RTL4: variants seen among roughly 807,000 people sequenced by gnomAD.
The protein encoded by RTL4 is retrotransposon Gag-like protein 4.
A neutral mutation model predicts 5.3 loss-of-function variants in RTL4; 4 were observed. That is an observed-to-expected ratio of 0.75 (90% CI 0.37 to 1.72). RTL4 has a LOEUF of 1.72. Ranked by LOEUF, RTL4 falls within the 40% of genes most tolerant of loss-of-function variation. The probability of loss-of-function intolerance (pLI) is 0.04; values close to 1 mark genes in which losing one functional copy is unlikely to be tolerated. For missense variants in RTL4, 260 were observed against 227.1 expected, an observed-to-expected ratio of 1.14 and a Z score of -0.93; for synonymous variants, 98 against 87.3, an observed-to-expected ratio of 1.12 and a Z score of -0.68.
At chrX:112,158,200 G>A in the RTL4 span, among the ~76,000 whole-genome samples, 1 of 111,480 alleles carries the variant, frequency 9.0e-6, no homozygotes, top group Non-Finnish European at 1.9e-5. Context: ...TCAGCCTAAA[G>A]CAGAAAGTCT....
the RTL4 span, among the ~76,000 whole-genome samples, chrX:112,315,574 T>G: frequency 8.9e-6 from 1 of 112,178 alleles, no homozygotes; most frequent in African/African-American, 3.2e-5. Context: ...CTTTCCCATT[T>G]TCCCCCCAAC....
chrX:112,397,070 C>G, the RTL4 span, among the ~76,000 whole-genome samples: 2 of 111,875 alleles, frequency 1.8e-5, no homozygotes, highest in Admixed American at 9.5e-5. Flanking sequence ...ATTTTTCATA[C>G]TATTGTCTTT....
chrX:112,442,458 A>G, the RTL4 span, among the ~76,000 whole-genome samples: 2 of 108,657 alleles, frequency 1.8e-5, no homozygotes, highest in African/African-American at 6.7e-5. Flanking sequence ...CATGTTGGCC[A>G]GGCTGGTCTC....
At chrX:112,278,151 T>A in the RTL4 span, among the ~76,000 whole-genome samples, 1 of 112,537 alleles carries the variant, frequency 8.9e-6, no homozygotes, top group South Asian at 3.6e-4. Context: ...GATTGTTGGT[T>A]TTAATTGTCT....
At chrX:112,278,187 G>A in the RTL4 span, among the ~76,000 whole-genome samples, 1 of 112,418 alleles carries the variant, frequency 8.9e-6, no homozygotes, top group Non-Finnish European at 1.9e-5. Flanking sequence ...AGTTGCATAT[G>A]TAACCTAACA....
the RTL4 span, among the ~76,000 whole-genome samples, chrX:112,378,707 C>T: frequency 8.9e-6 from 1 of 111,880 alleles, no homozygotes; most frequent in African/African-American, 3.3e-5. Flanking sequence ...AACGCAGACA[C>T]AATGGGAACA....
chrX:112,148,173 C>A, the RTL4 span, among the ~76,000 whole-genome samples: 1 of 109,779 alleles, frequency 9.1e-6, no homozygotes, highest in Admixed American at 9.8e-5. Context: ...GCTTCCTGCT[C>A]ATTTGCTGTT....
the RTL4 span, among the ~76,000 whole-genome samples, chrX:112,142,143 C>A: frequency 8.9e-5 from 10 of 112,343 alleles, no homozygotes; most frequent in Admixed American, 4.7e-4. Flanking sequence ...GTCTTTCATA[C>A]AAATCAATAG....
the RTL4 span, among the ~76,000 whole-genome samples, chrX:112,175,563 GCT>G: frequency 9.2e-6 from 1 of 108,916 alleles, no homozygotes; most frequent in Non-Finnish European, 1.9e-5. Context: ...GGCAATGCGG[GCT>G]CTTTTTTGGT....
chrX:112,420,858 C>A, the RTL4 span, among the ~76,000 whole-genome samples: 1 of 111,998 alleles, frequency 8.9e-6, no homozygotes, highest in African/African-American at 3.2e-5. Context: ...TTTCATCATA[C>A]TTATCTACAT....
At chrX:112,302,294 AGACTT>A in the RTL4 span, among the ~76,000 whole-genome samples, 1 of 109,343 alleles carries the variant, frequency 9.1e-6, no homozygotes, top group African/African-American at 3.3e-5. Context: ...TTTGGACTTA[AGACTT>A]AAGAGGACAG....
chrX:112,220,207 T>G, the RTL4 span, among the ~76,000 whole-genome samples: 1 of 112,900 alleles, frequency 8.9e-6, no homozygotes, highest in Admixed American at 9.4e-5. Context: ...AAGGTCAAAT[T>G]ATTTTGCTAG....
At chrX:112,372,389 C>T in the RTL4 span, among the ~76,000 whole-genome samples, 1 of 111,420 alleles carries the variant, frequency 9.0e-6, no homozygotes, top group Non-Finnish European at 1.9e-5. Context: ...ATGGACATTA[C>T]AGCTGTTTCC....
chrX:112,307,047 G>A, the RTL4 span, among the ~76,000 whole-genome samples: 1 of 111,378 alleles, frequency 9.0e-6, no homozygotes, highest in East Asian at 2.8e-4. Context: ...CCTTCCATGG[G>A]CCTACTATTC....
chrX:112,272,901 G>A, the RTL4 span, among the ~76,000 whole-genome samples: 20 of 110,732 alleles, frequency 1.8e-4, no homozygotes, highest in South Asian at 3.1e-3. Context: ...AAAATATCTC[G>A]TGAGAAAGAT....
the RTL4 span, among the ~76,000 whole-genome samples, chrX:112,324,354 C>A: frequency 9.0e-6 from 1 of 111,589 alleles, no homozygotes; most frequent in African/African-American, 3.3e-5. Context: ...GAAGTAATTC[C>A]ATTTCTCTAT....
the RTL4 span, among the ~76,000 whole-genome samples, chrX:112,401,099 A>G: frequency 2.0e-4 from 22 of 111,948 alleles, no homozygotes; most frequent in African/African-American, 6.8e-4. Context: ...GTTATTTCAT[A>G]TATTTTGTTC....
chrX:112,430,028 G>A, the RTL4 span, among the ~76,000 whole-genome samples: 1 of 110,676 alleles, frequency 9.0e-6, no homozygotes, highest in Non-Finnish European at 1.9e-5. Flanking sequence ...TGTATTTTCT[G>A]GCGTTTATCA....
At chrX:112,235,932 G>A in the RTL4 span, among the ~76,000 whole-genome samples, 1 of 111,742 alleles carries the variant, frequency 8.9e-6, no homozygotes, top group Non-Finnish European at 1.9e-5. Context: ...AGCTGTAAAT[G>A]TTTGTGGAAT....
Sources: gnomAD v4.1 joint callset for allele counts (sites outside exome capture counted in the v4.1 genomes callset) on GRCh38, gnomAD v4.1.1 for gene constraint, MANE v1.5 for transcripts, NCBI Gene and HGNC (gene_info 2026-07-23, HGNC 2026-07-21) for gene names.